Variants in GRID2 observed in about 807,000 individuals in gnomAD.
The protein encoded by GRID2 is glutamate receptor ionotropic, delta-2.
In GRID2, 33 loss-of-function variants were observed where a neutral mutation model predicts 114.8. The ratio of observed to expected loss-of-function variants is 0.29; its 90% CI spans 0.22 to 0.38. The LOEUF is 0.38. GRID2 is among the 10% of genes least tolerant of loss of function. The pLI is 1.00. For missense variants in GRID2, 1,184 were observed against 1,257.7 expected, an observed-to-expected ratio of 0.94 and a Z score of 0.89; for synonymous variants, 505 against 449.9, an observed-to-expected ratio of 1.12 and a Z score of -1.55.
intron 14 of GRID2, among the ~76,000 whole-genome samples, chr4:93,739,981 T>A (rs867428160): frequency 9.2e-5 from 14 of 152,216 alleles, no homozygotes; most frequent in Middle Eastern, 3.4e-3. Flanking sequence ...AAAGACAAAT[T>A]TTAAGTTACC....
chr4:93,313,120 T>A (rs1039610246), intron 8 of GRID2, among the ~76,000 whole-genome samples: 2 of 152,174 alleles, frequency 1.3e-5, no homozygotes, highest in Non-Finnish European at 1.5e-5. Context: ...ATACCACTTT[T>A]TTTTTTCACA....
intron 8 of GRID2, among the ~76,000 whole-genome samples, chr4:93,358,327 T>C (rs1761543349): frequency 6.6e-6 from 1 of 151,860 alleles, no homozygotes; most frequent in Non-Finnish European, 1.5e-5. Flanking sequence ...GAGAATTGCT[T>C]CAGCATAAAA....
intron 2 of GRID2, among the ~76,000 whole-genome samples, chr4:92,657,738 T>C (rs1732318168): frequency 6.6e-6 from 1 of 151,848 alleles, no homozygotes; most frequent in South Asian, 2.1e-4. Flanking sequence ...ATTTTGTTTT[T>C]ATTTTTTATT....
chr4:92,341,774 G>T (rs1174453673), intron 1 of GRID2, among the ~76,000 whole-genome samples: 1 of 151,970 alleles, frequency 6.6e-6, no homozygotes, highest in Non-Finnish European at 1.5e-5. Flanking sequence ...AATTAGCCAG[G>T]CGTGGTGGCG....
intron 4 of GRID2, among the ~76,000 whole-genome samples, chr4:93,194,248 C>T (rs752558530): frequency 4.6e-5 from 7 of 152,048 alleles, no homozygotes; most frequent in African/African-American, 1.7e-4. Context: ...TGTTTACAAA[C>T]CCTGAAAACT....
In GRID2 at chr4:93,533,510, A is replaced by T. The variant is rs183431666; in HGVS notation, c.2193+18099A>T. Among the ~76,000 whole-genome samples, 9 of 146,054 alleles carry T rather than the reference A, an allele frequency of 6.2e-5. No homozygotes were observed. In the East Asian group the frequency reaches 1.6e-3, roughly 26 times the overall value. On this transcript the variant is annotated intron_variant, in intron 13 of 15. Transcript: ENST00000282020. ...CACCTCTGCCTCCTGAATAGCTGGG[A>T]CTACAGGAGCATGCCACCACACCCA... is the stretch of plus-strand genomic sequence containing the variant.
intron 1 of GRID2, among the ~76,000 whole-genome samples, chr4:92,569,998 A>C (rs926452339): frequency 6.6e-6 from 1 of 151,942 alleles, no homozygotes; most frequent in Non-Finnish European, 1.5e-5. Context: ...CTTTTGTTGC[A>C]TAACTTTTGA....
At position 93,258,997 on chromosome 4, in the gene GRID2, G is replaced by A. The variant is rs193281481; in HGVS notation, c.1245+20507G>A. 265 of 424,832 alleles carry A rather than the reference G, an allele frequency of 6.2e-4. 7 individuals are homozygous for A. The Middle Eastern group carries it at 8.3e-3, about 13-fold the overall frequency. 26.3% of individuals were successfully genotyped at this position (424,832 alleles called of 1,614,324 possible). ...CTGACTAGAGTACCACTGAGGCAGC[G>A]AAGTCAGGAAAATGAGTCTTCACAG... On this transcript the variant is annotated intron_variant, in intron 8 of 15. Transcript: ENST00000282020.
At chr4:92,719,428 T>G (rs1735706667) in intron 2 of GRID2, among the ~76,000 whole-genome samples, 1 of 152,204 alleles carries the variant, frequency 6.6e-6, no homozygotes, top group African/African-American at 2.4e-5. Context: ...AAATATTAAA[T>G]GCTACAATGG....
At chr4:92,997,003 T>C (rs1755242034) in intron 2 of GRID2, among the ~76,000 whole-genome samples, 1 of 152,214 alleles carries the variant, frequency 6.6e-6, no homozygotes, top group African/African-American at 2.4e-5. Flanking sequence ...GAAAGAGGTT[T>C]ATCCATCATA....
At chr4:92,926,963 G>T (rs894489756) in intron 2 of GRID2, among the ~76,000 whole-genome samples, 1 of 151,786 alleles carries the variant, frequency 6.6e-6, no homozygotes, top group African/African-American at 2.4e-5. Flanking sequence ...TTCAACACAT[G>T]AACTTTAGGA....
In GRID2 at chr4:93,172,664, A is replaced by G. The variant is rs769326229; in HGVS notation, c.736-34740A>G. Among the ~76,000 whole-genome samples the G allele has an allele frequency of 9.7e-4, 147 of 152,164 alleles. 1 individual carries two copies. The highest frequency in any genetic ancestry group is 1.9e-4 in the Non-Finnish European group (13 of 68,042). The stretch of plus-strand genomic sequence containing the variant: ...TATATCTAATCAAAAACATAATACA[A>G]TGGACCCACACATTTGTGAATGGGT... On this transcript the variant is annotated intron_variant, in intron 4 of 15. Transcript: ENST00000282020.
At chr4:93,737,094 T>C (rs548882513) in intron 14 of GRID2, among the ~76,000 whole-genome samples, 111 of 152,166 alleles carry the variant, frequency 7.3e-4, no homozygotes, top group Middle Eastern at 3.4e-3. Flanking sequence ...AAAATGGAAC[T>C]AATAATGTAG....
chr4:92,350,333 T>A (rs1173701191), intron 1 of GRID2, among the ~76,000 whole-genome samples: 1 of 151,894 alleles, frequency 6.6e-6, no homozygotes, highest in Admixed American at 6.6e-5. Flanking sequence ...TCTCTTTCTT[T>A]ATAAAAGAAT....
At chr4:93,533,206 C>G (rs985552498) in intron 13 of GRID2, among the ~76,000 whole-genome samples, 1 of 151,980 alleles carries the variant, frequency 6.6e-6, no homozygotes, top group African/African-American at 2.4e-5. Context: ...CACCTCATGT[C>G]TAATTCATCA....
At chr4:93,250,013 G>T (rs974681715) in intron 8 of GRID2, among the ~76,000 whole-genome samples, 2 of 152,092 alleles carry the variant, frequency 1.3e-5, no homozygotes, top group Admixed American at 1.3e-4. Context: ...CCAAAGGATT[G>T]TAAATCATTC....
intron 14 of GRID2, among the ~76,000 whole-genome samples, chr4:93,744,504 G>T (rs1281865504): frequency 6.6e-6 from 1 of 152,154 alleles, no homozygotes; most frequent in Non-Finnish European, 1.5e-5. Context: ...TGCAGATGTG[G>T]TGGAAATAGA....
intron 8 of GRID2, among the ~76,000 whole-genome samples, chr4:93,321,681 T>G (rs1757232828): frequency 6.6e-6 from 1 of 152,026 alleles, no homozygotes; most frequent in Non-Finnish European, 1.5e-5. Flanking sequence ...AATACTTTTT[T>G]TATTCACTTC....
chr4:92,329,358 T>A (rs1241373416), intron 1 of GRID2, among the ~76,000 whole-genome samples: 1 of 152,012 alleles, frequency 6.6e-6, no homozygotes, highest in Non-Finnish European at 1.5e-5. Flanking sequence ...TCTACATACT[T>A]TATTTCCCTA....
Sources: gnomAD v4.1 joint callset for allele counts (sites outside exome capture counted in the v4.1 genomes callset) on GRCh38, gnomAD v4.1.1 for gene constraint, MANE v1.5 for transcripts, NCBI Gene and HGNC (gene_info 2026-07-23, HGNC 2026-07-21) for gene names.